TENM1: variants seen among roughly 807,000 people sequenced by gnomAD.
TENM1 encodes teneurin-1.
A neutral mutation model predicts 174.8 loss-of-function variants in TENM1; 35 were observed. The observed-to-expected ratio is 0.20, with a 90% CI of 0.15 to 0.27. TENM1 has a LOEUF of 0.27. Ranked by LOEUF, TENM1 falls within the 10% of genes least tolerant of loss-of-function variation. The pLI is 1.00. For synonymous variants in TENM1, 781 were observed against 798.7 expected (o/e 0.98, Z 0.37); for missense variants, 1,633 against 2,130.1 (o/e 0.77, Z 4.59).
rs1020382515 is a variant in TENM1, at chrX:124,894,481, T to C, written c.479-129A>G. The C allele has an allele frequency of 8.3e-5, 38 of 457,697 alleles. No individual in the cohort carries two copies. In the East Asian group the frequency reaches 1.1e-3, roughly 14 times the overall value. The allele number at this position is 457,697 out of a possible 1,213,427, so 37.7% of individuals were successfully genotyped here. On this transcript the variant is annotated intron_variant, in intron 2 of 31. Transcript: ENST00000422452. ...GCTTTATTGCAATATAATTCACATA[T>C]GTAATATTCATCCTTTTAAAGCATA...
chrX:124,645,084 A>G, intron 10 of TENM1, 59 bp downstream of exon 13: 3 of 1,113,415 alleles, frequency 2.7e-6, no homozygotes. Context: ...ACAGAATGAC[A>G]CCTTGGACAA....
the TENM1 span, among the ~76,000 whole-genome samples, chrX:125,200,630 C>T: frequency 1.1e-5 from 1 of 92,281 alleles, no homozygotes; most frequent in South Asian, 5.5e-4. Context: ...CAATTGCTTC[C>T]GTGTGTGTGT....
chrX:124,955,152 G>C (rs1400728128), intron 1 of TENM1, among the ~76,000 whole-genome samples: 3 of 111,492 alleles, frequency 2.7e-5, no homozygotes, highest in Non-Finnish European at 3.8e-5. Flanking sequence ...CTTGTGAGTT[G>C]GCATCTTTCT....
the TENM1 span, among the ~76,000 whole-genome samples, chrX:125,088,062 A>G: frequency 9.0e-6 from 1 of 111,158 alleles, no homozygotes; most frequent in Admixed American, 9.6e-5. Flanking sequence ...CTACCAGGTG[A>G]TCTAAGGCCA....
intron 29 of TENM1, among the ~76,000 whole-genome samples, chrX:124,385,106 A>G (rs2060203787): frequency 8.9e-6 from 1 of 112,631 alleles, no homozygotes; most frequent in African/African-American, 3.2e-5. Context: ...TACAGAAGTA[A>G]TAACACATCC....
At chrX:124,569,876 T>G (rs773576946) in intron 11 of TENM1, among the ~76,000 whole-genome samples, 127 of 111,043 alleles carry the variant, frequency 1.1e-3, no homozygotes, top group African/African-American at 3.8e-3. Context: ...TTATAAGAGC[T>G]GAAACTAATA....
chrX:124,939,408 C>T (rs190329740), intron 1 of TENM1, among the ~76,000 whole-genome samples: 118 of 111,510 alleles, frequency 1.1e-3, no homozygotes, highest in Middle Eastern at 4.7e-3. Flanking sequence ...TCTACTTGAC[C>T]TATCTTATCA....
chrX:124,550,761 ATT>A (rs59121201), intron 14 of TENM1, among the ~76,000 whole-genome samples: 4 of 101,514 alleles, frequency 3.9e-5, no homozygotes, highest in Non-Finnish European at 6.1e-5. Context: ...CTTTGGCTCT[ATT>A]TTTTTTTTTT....
At position 124,619,137 on chromosome X, in the gene TENM1, T is replaced by C. The variant is rs961690507; in HGVS notation, c.2077+22654A>G. 3.6e-5 allele frequency among the ~76,000 whole-genome samples: 4 copies of C among 112,272 alleles called. 1 individual carries two copies. The highest frequency in any genetic ancestry group is 7.5e-5 in the Non-Finnish European group (4 of 53,274). On this transcript the variant is annotated intron_variant, in intron 11 of 31. Transcript: ENST00000422452. The stretch of plus-strand genomic sequence containing the variant: ...AAGATTTAATGCATATTGAATTGAA[T>C]TGAAAAATACAATTCATATTGTAAA...
chrX:125,099,121 G>A, the TENM1 span, among the ~76,000 whole-genome samples: 1 of 112,394 alleles, frequency 8.9e-6, no homozygotes, highest in South Asian at 3.7e-4. Context: ...TTTAATAAGT[G>A]TTAAGAGGTA....
At chrX:124,779,039 T>C (rs958503800) in intron 3 of TENM1, among the ~76,000 whole-genome samples, 21 of 111,936 alleles carry the variant, frequency 1.9e-4, no homozygotes, top group Admixed American at 9.5e-5. Context: ...ACATTGGAGA[T>C]ACTAGGGATC....
At chrX:125,177,179 G>A in the TENM1 span, among the ~76,000 whole-genome samples, 1 of 112,069 alleles carries the variant, frequency 8.9e-6, no homozygotes, top group East Asian at 2.8e-4. Context: ...CAAATAAGAC[G>A]AGAACAAAAC....
chrX:124,851,244 A>G (rs1221288505), intron 3 of TENM1, among the ~76,000 whole-genome samples: 1 of 110,435 alleles, frequency 9.1e-6, no homozygotes, highest in African/African-American at 3.3e-5. Flanking sequence ...TTTATAAATC[A>G]CTCTCTGTAT....
chrX:124,838,939 C>A lies in TENM1; in HGVS notation c.535+55357G>T, dbSNP rs1235105499. Among the ~76,000 whole-genome samples the A allele has an allele frequency of 4.5e-5, 5 of 111,400 alleles. No individual in the cohort carries two copies. The Admixed American group carries it at 4.8e-4, about 11-fold the overall frequency. ...ATTTGAAGATAAAAACCGAATTCCA[C>A]TTCCAGGTATCTATCCCAAAGAAAC... On this transcript the variant is annotated intron_variant, in intron 3 of 31. Transcript: ENST00000422452.
chrX:125,124,492 C>T, the TENM1 span, among the ~76,000 whole-genome samples: 1 of 111,668 alleles, frequency 9.0e-6, no homozygotes, highest in Non-Finnish European at 1.9e-5. Context: ...AATAATTACA[C>T]AAATCACTTG....
intron 3 of TENM1, among the ~76,000 whole-genome samples, chrX:124,798,312 T>G (rs986064762): frequency 2.7e-5 from 3 of 111,667 alleles, no homozygotes; most frequent in Non-Finnish European, 5.6e-5. Context: ...CCACCAACAG[T>G]GTACAAGCAT....
intron 25 of TENM1, among the ~76,000 whole-genome samples, chrX:124,413,511 G>A (rs144394715): frequency 0.01 from 1,126 of 111,827 alleles, 14 homozygotes; most frequent in African/African-American, 0.035. Flanking sequence ...TTCTGGGAGG[G>A]CACACTCAGG....
At chrX:124,899,594 A>G (rs2057622917) in intron 1 of TENM1, among the ~76,000 whole-genome samples, 1 of 111,640 alleles carries the variant, frequency 9.0e-6, no homozygotes, top group African/African-American at 3.3e-5. Context: ...CTGAGTGCAT[A>G]CGTCTTTATG....
chrX:124,588,936 T>C (rs772159731), intron 11 of TENM1, among the ~76,000 whole-genome samples: 19 of 110,607 alleles, frequency 1.7e-4, no homozygotes, highest in Admixed American at 1.4e-3. Flanking sequence ...TAGTACTATG[T>C]TAAATAGGAG....
Sources: allele counts gnomAD v4.1 joint callset (sites outside exome capture counted in the v4.1 genomes callset), GRCh38; gene constraint gnomAD v4.1.1; transcripts MANE v1.5; gene names NCBI Gene and HGNC (gene_info 2026-07-23, HGNC 2026-07-21).